Variants in DCBLD1 observed in about 807,000 individuals in gnomAD.
DCBLD1 encodes discoidin, CUB and LCCL domain-containing protein 1.
In DCBLD1, 57 loss-of-function variants were observed where a neutral mutation model predicts 71.5. That is an observed-to-expected ratio of 0.80 (90% CI 0.64 to 0.99). The LOEUF (loss-of-function observed/expected upper bound fraction) is 0.99. Among genes scored for constraint, DCBLD1 ranks in the 50% least tolerant of loss-of-function variants. The pLI, the probability that DCBLD1 is intolerant of heterozygous loss-of-function variation, is 0.00. For missense variants in DCBLD1, 891 were observed against 923.5 expected, an observed-to-expected ratio of 0.96 and a Z score of 0.46; for synonymous variants, 380 against 363.8, an observed-to-expected ratio of 1.04 and a Z score of -0.51.
chr6:117,547,877 C>T (rs1293590673), intron 14 of DCBLD1, 30 bp from the exon 15 acceptor site: 12 of 1,550,180 alleles, frequency 7.7e-6, no homozygotes, highest in South Asian at 1.2e-5. Flanking sequence ...GTGTGGTGCC[C>T]GCTAGCTGCC....
At chr6:117,518,740 T>A (rs975329340) in intron 2 of DCBLD1, among the ~76,000 whole-genome samples, 1 of 152,148 alleles carries the variant, frequency 6.6e-6, no homozygotes, top group Non-Finnish European at 1.5e-5. Flanking sequence ...TTCACTGTCA[T>A]GAGAACAGCA....
downstream of DCBLD1, among the ~76,000 whole-genome samples, chr6:117,553,004 A>G (rs1485932949): frequency 1.3e-5 from 2 of 152,122 alleles, no homozygotes; most frequent in East Asian, 1.9e-4. Flanking sequence ...GGAGCCCCGA[A>G]CCATGAGACC....
chr6:117,543,864 C>T (rs919263025), intron 12 of DCBLD1, among the ~76,000 whole-genome samples: 1 of 152,128 alleles, frequency 6.6e-6, no homozygotes, highest in African/African-American at 2.4e-5. Flanking sequence ...AGCCTGTTTC[C>T]TTATGTATAA....
chr6:117,513,617 G>A (rs1021460972), intron 2 of DCBLD1, among the ~76,000 whole-genome samples: 1 of 152,242 alleles, frequency 6.6e-6, no homozygotes, highest in African/African-American at 2.4e-5. Flanking sequence ...AGATAGAAGT[G>A]AGAGAATAGT....
intron 12 of DCBLD1, 89 bp from the exon 13 acceptor site, chr6:117,544,439 A>G (rs1743520228): frequency 8.1e-7 from 1 of 1,241,984 alleles, no homozygotes; most frequent in Non-Finnish European, 1.1e-6. Context: ...CCTATGAGGT[A>G]AGTACTATTA....
At chr6:117,530,116 C>A (rs1262599342) in intron 5 of DCBLD1, among the ~76,000 whole-genome samples, 1 of 152,150 alleles carries the variant, frequency 6.6e-6, no homozygotes, top group Non-Finnish European at 1.5e-5. Flanking sequence ...CTGAACTGAT[C>A]TGGTTTTCAT....
intron 14 of DCBLD1, chr6:117,561,844 ATAAAG>A (rs1386316694): frequency 4.8e-6 from 1 of 206,594 alleles, no homozygotes; most frequent in East Asian, 7.4e-5. Flanking sequence ...AAACCACAAA[ATAAAG>A]TATATACATT....
intron 5 of DCBLD1, among the ~76,000 whole-genome samples, chr6:117,531,429 G>A (rs931635856): frequency 5.3e-5 from 8 of 152,176 alleles, no homozygotes; most frequent in Admixed American, 2.0e-4. Flanking sequence ...AGTTCTAGTC[G>A]TTTCTGTAGC....
rs1779013303 is a variant in DCBLD1, at chr6:117,539,380, G to T, written c.1101+1G>T. The T allele has an allele frequency of 6.2e-7, 1 of 1,600,986 alleles. No individual in the cohort carries two copies. The highest frequency in any genetic ancestry group is 1.4e-5 in the African/African-American group (1 of 73,936). ...AGGAATTGTGAATAATGAAGAAAAG[G>T]TAAGAGGTAACCCTAGAGGCAAGAG... On this transcript the variant is annotated splice_donor_variant, in intron 9 of 14. Coordinates refer to ENST00000338728, the MANE Select transcript of DCBLD1 (RefSeq NM_001366458.2). LOFTEE classifies it high-confidence loss of function.
intron 14 of DCBLD1, chr6:117,547,683 T>G: frequency 1.1e-6 from 1 of 913,932 alleles, no homozygotes; most frequent in South Asian, 1.4e-5. Context: ...CCCCCATCTC[T>G]GAGAAGACCC....
Position 117,548,234 on chromosome 6 carries a change from A to T in DCBLD1, c.1943A>T (p.Gln648Leu). 1 of 1,550,600 alleles carries T rather than the reference A, an allele frequency of 6.4e-7. No homozygotes were observed. Among genetic ancestry groups the T allele is most frequent in the Non-Finnish European group, 8.7e-7 (1 of 1,146,988 alleles). ...TCCCCCGTAGCGGGTGTGGGCGCCC[A>T]GGACGGAGACTATCAAAGGCCACAC... is the stretch of plus-strand genomic sequence containing the variant. ...GFSPVAGVGA[Q>L]DGDYQRPHSA... Residue 648 changes from glutamine (Q) to leucine (L), a missense_variant, in exon 15 of 15, where the codon CAG becomes CTG. Gln to Leu is a moderately radical substitution (Grantham distance 113, BLOSUM62 -2). Transcript: ENST00000338728.
At chr6:117,500,377 A>G (rs1462438629) in intron 1 of DCBLD1, among the ~76,000 whole-genome samples, 3 of 152,180 alleles carry the variant, frequency 2.0e-5, no homozygotes, top group East Asian at 3.9e-4. Flanking sequence ...ACAAAGACTC[A>G]TGGGGTTTTG....
chr6:117,548,871 T>G lies in DCBLD1; in HGVS notation c.*432T>G, dbSNP rs183175311. On this transcript the variant is annotated 3_prime_UTR_variant, in exon 15 of 15. Coordinates refer to ENST00000338728, the MANE Select transcript of DCBLD1 (RefSeq NM_001366458.2). ...AAATGTATATAAATAGTATGTTCAT[T>G]TTTTTCAGTATATTATCTGATACTG... The G allele has an allele frequency of 6.9e-6, 7 of 1,016,680 alleles. No individual in the cohort carries two copies. Among genetic ancestry groups the G allele is most frequent in the East Asian group, 2.1e-4 (2 of 9,504 alleles). The allele number at this position is 1,016,680 out of a possible 1,614,324, so 63.0% of individuals were successfully genotyped here. A position where few individuals can be genotyped will look rare whatever the true frequency, so the allele number is the denominator to read the frequency against.
Position 117,532,338 on chromosome 6 carries a change from C to T in DCBLD1, c.664C>T (p.Arg222Cys), listed in dbSNP as rs192563915. 1.5e-5 allele frequency: 24 copies of T among 1,613,602 alleles called. No homozygotes were observed. Among genetic ancestry groups the T allele is most frequent in the African/African-American group, 1.3e-4 (10 of 75,002 alleles). Residue 222 changes from arginine to cysteine, a missense_variant, in exon 6 of 15, where the codon CGC (arginine) becomes TGC (cysteine). Transcript: ENST00000338728. ...AGGTGGCCAGATCAGTGTGCTTCAG[C>T]GCAAAGGGATCAGTCGATATGAAGG... is the stretch of plus-strand genomic sequence containing the variant. Reference protein sequence around the residue: ...ELGGQISVLQRKGISRYEGIL... With the variant: ...ELGGQISVLQCKGISRYEGIL...
At chr6:117,522,050 C>A (rs1395792928) in intron 4 of DCBLD1, among the ~76,000 whole-genome samples, 7 of 152,040 alleles carry the variant, frequency 4.6e-5, no homozygotes, top group Non-Finnish European at 8.8e-5. Flanking sequence ...AAAATTCTTT[C>A]ATTTGGGAGG....
Position 117,548,573 on chromosome 6 carries a change from A to G in DCBLD1, c.*134A>G. The G allele has an allele frequency of 2.1e-6, 3 of 1,463,356 alleles. No individual in the cohort carries two copies. Among genetic ancestry groups the G allele is most frequent in the Non-Finnish European group, 2.7e-6 (3 of 1,112,692 alleles). 90.6% of individuals were successfully genotyped at this position (1,463,356 alleles called of 1,614,324 possible). A position where few individuals can be genotyped will look rare whatever the true frequency, so the allele number is the denominator to read the frequency against. On this transcript the variant is annotated 3_prime_UTR_variant, in exon 15 of 15. Transcript: ENST00000338728. ...ACACTTGCATGTGTGTGTGTGATCC[A>G]GTAGGATCCTAGAGACAACCTGTCA...
At chr6:117,552,568 G>A (rs1779445801), downstream of DCBLD1, among the ~76,000 whole-genome samples, 1 of 151,756 alleles carries the variant, frequency 6.6e-6, no homozygotes. Context: ...TCTTTTTGCT[G>A]TGACACCTAA....
rs1379449324 is a variant in DCBLD1 at position 117,525,335 on chromosome 6, A to G, written c.513-27A>G. 4.9e-6 allele frequency: 7 copies of G among 1,433,604 alleles called. No individual in the cohort carries two copies. In the East Asian group the frequency reaches 1.6e-4, roughly 32 times the overall value. 88.8% of individuals were successfully genotyped at this position (1,433,604 alleles called of 1,614,324 possible). A position where few individuals can be genotyped will look rare whatever the true frequency, so the allele number is the denominator to read the frequency against. ...TTTTGGTTGTGTAATTTAATAAAAT[A>G]TAAATTATTTATTTTTCTTTTTCCA... On this transcript the variant is annotated intron_variant, in intron 4 of 14. Coordinates refer to ENST00000338728, the MANE Select transcript of DCBLD1 (RefSeq NM_001366458.2).
chr6:117,505,842 G>C (rs1287189513), intron 2 of DCBLD1, among the ~76,000 whole-genome samples: 2 of 152,126 alleles, frequency 1.3e-5, no homozygotes, highest in African/African-American at 4.8e-5. Flanking sequence ...AATGGAATTA[G>C]CTACGTATCT....
Sources: allele counts gnomAD v4.1 joint callset (sites outside exome capture counted in the v4.1 genomes callset), GRCh38; gene constraint gnomAD v4.1.1; transcripts MANE v1.5; gene names NCBI Gene and HGNC (gene_info 2026-07-23, HGNC 2026-07-21).